The following ADCY8 variants were observed in gnomAD, a reference collection of about 807,000 sequenced individuals.
ADCY8 encodes adenylate cyclase type 8.
In ADCY8, 51 loss-of-function variants were observed where a neutral mutation model predicts 119.7. The observed-to-expected ratio is 0.43, with a 90% CI of 0.34 to 0.54. The LOEUF (loss-of-function observed/expected upper bound fraction) is 0.54, where lower values mean the gene tolerates loss of function less well. Ranked by LOEUF, ADCY8 falls within the 20% of genes least tolerant of loss-of-function variation. The probability of loss-of-function intolerance (pLI) is 0.03; values close to 1 mark genes in which losing one functional copy is unlikely to be tolerated. For missense variants in ADCY8, 1,383 were observed against 1,598.8 expected (o/e 0.87, Z 2.30); for synonymous variants, 665 against 651.0 (o/e 1.02, Z -0.33).
chr8:130,807,983 C>CAAAAAAAAAAAA (rs752321769), intron 14 of ADCY8, among the ~76,000 whole-genome samples: 6 of 47,236 alleles, frequency 1.3e-4, no homozygotes, highest in African/African-American at 1.9e-4. Context: ...GACTCCGTCT[C>CAAAAAAAAAAAA]AAAAAAAAAA....
intron 12 of ADCY8, among the ~76,000 whole-genome samples, chr8:130,828,335 C>G (rs542583416): frequency 1.3e-5 from 2 of 152,298 alleles, no homozygotes; most frequent in East Asian, 1.9e-4. Context: ...CAGAGGGTCC[C>G]CCCCACCCAC....
intron 1 of ADCY8, among the ~76,000 whole-genome samples, chr8:131,025,611 T>A (rs972498289): frequency 6.6e-5 from 10 of 152,198 alleles, no homozygotes; most frequent in Non-Finnish European, 1.0e-4. Context: ...TAAAACATAA[T>A]TCCAATCTTA....
chr8:131,000,972 A>G (rs546627766), intron 1 of ADCY8, among the ~76,000 whole-genome samples: 8 of 152,264 alleles, frequency 5.3e-5, no homozygotes, highest in Non-Finnish European at 1.0e-4. Context: ...TGCATCGTAA[A>G]AAATAGTTAC....
At chr8:130,913,261 G>T (rs1371724215) in intron 5 of ADCY8, among the ~76,000 whole-genome samples, 1 of 151,802 alleles carries the variant, frequency 6.6e-6, no homozygotes, top group Non-Finnish European at 1.5e-5. Context: ...ATAGTCTGTT[G>T]GGCTATCAAA....
At chr8:130,854,792 T>C (rs1218531887) in intron 9 of ADCY8, among the ~76,000 whole-genome samples, 2 of 148,820 alleles carry the variant, frequency 1.3e-5, no homozygotes, top group Non-Finnish European at 3.0e-5. Context: ...AGTGCCTGCC[T>C]CTTTCCCTCC....
chr8:130,892,191 A>G (rs1819211511), intron 7 of ADCY8: 1 of 152,172 alleles, frequency 6.6e-6, no homozygotes, highest in African/African-American at 2.4e-5. Context: ...AGACATTTCT[A>G]TAAGCCTACT....
At position 130,882,814 on chromosome 8, in the gene ADCY8, C is replaced by T. The variant is rs143986570; in HGVS notation, c.2109+1750G>A. Among the ~76,000 whole-genome samples, 145 of 152,096 alleles carry T rather than the reference C, an allele frequency of 9.5e-4. 1 individual carries two copies. In the East Asian group the frequency reaches 0.025, roughly 26 times the overall value. ...ATTCTCTGCTCAGCAGTAACACAGT[C>T]CCTAGAGATGGTCTCAGAGCAAGAG... On this transcript the variant is annotated intron_variant, in intron 8 of 17. Coordinates refer to ENST00000286355, the MANE Select transcript of ADCY8 (RefSeq NM_001115.3).
chr8:130,828,138 A>G (rs931572069), intron 12 of ADCY8, among the ~76,000 whole-genome samples: 40 of 152,164 alleles, frequency 2.6e-4, no homozygotes, highest in African/African-American at 9.4e-4. Context: ...GGTGTTGGCA[A>G]CAGGATCTCC....
chr8:130,876,258 C>T (rs939733907), intron 8 of ADCY8, among the ~76,000 whole-genome samples: 12 of 152,032 alleles, frequency 7.9e-5, no homozygotes, highest in Non-Finnish European at 1.5e-4. Flanking sequence ...GCCATGTTGG[C>T]CAGGCTGGTC....
At chr8:130,821,511 G>GA (rs1394590731) in intron 12 of ADCY8, 91 bp from the exon 13 acceptor site, 7 of 900,420 alleles carry the variant, frequency 7.8e-6, no homozygotes, top group African/African-American at 3.4e-5. Context: ...GGTATAAAAA[G>GA]AAAAAAACAC....
At chr8:130,943,592 C>A (rs897164654) in intron 3 of ADCY8, 130 bp from the exon 4 acceptor site, 2 of 620,684 alleles carry the variant, frequency 3.2e-6, no homozygotes, top group Non-Finnish European at 5.8e-6. Flanking sequence ...GCTCTTGCTG[C>A]CATGAGAGTC....
At chr8:130,846,898 T>TCCTGCCTGCCTGCCTG (rs1563689890) in intron 11 of ADCY8, among the ~76,000 whole-genome samples, 2 of 79,674 alleles carry the variant, frequency 2.5e-5, no homozygotes, top group African/African-American at 9.5e-5. Flanking sequence ...TTTCCTTCCT[T>TCCTGCCTGCCTGCCTG]CCTTCCTTCC....
chr8:130,916,554 A>C (rs140786151), intron 5 of ADCY8, among the ~76,000 whole-genome samples: 9,991 of 152,272 alleles, frequency 0.066, 562 homozygotes, highest in African/African-American at 0.16. Context: ...AACTGGCCAT[A>C]AATAAAATCT....
chr8:130,897,819 T>A, intron 7 of ADCY8, among the ~76,000 whole-genome samples: 1 of 132,030 alleles, frequency 7.6e-6, no homozygotes, highest in Non-Finnish European at 1.7e-5. Context: ...TATATACATA[T>A]ATCACACCAC....
chr8:130,846,044 TG>T (rs1336829776), intron 11 of ADCY8, among the ~76,000 whole-genome samples: 1 of 152,130 alleles, frequency 6.6e-6, no homozygotes, highest in East Asian at 1.9e-4. Flanking sequence ...AGGTGCTCTA[TG>T]CAAATGGACG....
chr8:130,829,799 C>T (rs1816774400), intron 12 of ADCY8, among the ~76,000 whole-genome samples: 1 of 152,186 alleles, frequency 6.6e-6, no homozygotes, highest in Non-Finnish European at 1.5e-5. Flanking sequence ...AATCCAATGC[C>T]ACTTATCCTA....
intron 8 of ADCY8, among the ~76,000 whole-genome samples, chr8:130,869,643 G>A (rs542967896): frequency 4.0e-5 from 6 of 151,030 alleles, no homozygotes; most frequent in African/African-American, 1.5e-4. Flanking sequence ...TCAGCCTCCC[G>A]AGTAGCTGGG....
intron 8 of ADCY8, among the ~76,000 whole-genome samples, chr8:130,868,228 C>T (rs1430482399): frequency 6.6e-6 from 1 of 152,084 alleles, no homozygotes; most frequent in East Asian, 1.9e-4. Context: ...GAGCGCACAT[C>T]CATATATGCA....
intron 6 of ADCY8, among the ~76,000 whole-genome samples, chr8:130,907,367 GA>G (rs112014120): frequency 0.075 from 11,447 of 152,194 alleles, 481 homozygotes; most frequent in Non-Finnish European, 0.1. Context: ...TAAAAAAGTG[GA>G]AAAATATATA....
Sources: allele counts gnomAD v4.1 joint callset (sites outside exome capture counted in the v4.1 genomes callset), GRCh38; gene constraint gnomAD v4.1.1; transcripts MANE v1.5; gene names NCBI Gene and HGNC (gene_info 2026-07-23, HGNC 2026-07-21).